The following PDE1C variants were observed in gnomAD, a reference collection of about 807,000 sequenced individuals.
The protein encoded by PDE1C is dual specificity calcium/calmodulin-dependent 3',5'-cyclic nucleotide phosphodiesterase 1C.
PDE1C carries 62 observed loss-of-function variants against 93.1 expected under a neutral mutation model. The ratio of observed to expected loss-of-function variants is 0.67; its 90% CI spans 0.54 to 0.82. The LOEUF is 0.82. PDE1C is among the 40% of genes least tolerant of loss of function. The pLI, the probability that PDE1C is intolerant of heterozygous loss-of-function variation, is 0.00. For synonymous variants in PDE1C, 325 were observed against 310.1 expected (o/e 1.05, Z -0.50); for missense variants, 742 against 884.6 (o/e 0.84, Z 2.04).
intron 2 of PDE1C, among the ~76,000 whole-genome samples, chr7:31,901,090 T>C (rs1219467966): frequency 2.0e-5 from 3 of 149,214 alleles, no homozygotes; most frequent in Non-Finnish European, 4.5e-5. Context: ...AGGATTCTAT[T>C]AAGGACTGGA....
chr7:31,778,573 C>T (rs1783175638), intron 16 of PDE1C, among the ~76,000 whole-genome samples: 1 of 152,138 alleles, frequency 6.6e-6, no homozygotes, highest in African/African-American at 2.4e-5. Flanking sequence ...TGACAAATAT[C>T]CTCTAGAGGC....
intron 2 of PDE1C, among the ~76,000 whole-genome samples, chr7:32,039,517 A>T (rs73098623): frequency 0.058 from 8,872 of 152,242 alleles, 308 homozygotes; most frequent in Non-Finnish European, 0.073. Context: ...TTATGTACAT[A>T]CCAGAGTGCA....
the PDE1C span, chr7:31,695,520 GA>G: frequency 1.2e-6 from 2 of 1,613,280 alleles, no homozygotes; most frequent in Non-Finnish European, 1.7e-6. Context: ...AAGAAGCCTA[GA>G]AAGGGAAAAA....
intron 2 of PDE1C, among the ~76,000 whole-genome samples, chr7:31,959,210 G>GT (rs1808573038): frequency 1.3e-5 from 2 of 151,836 alleles, no homozygotes; most frequent in South Asian, 4.1e-4. Flanking sequence ...TTGTTTGTTT[G>GT]TTTGTTTGTT....
At chr7:31,872,382 C>A (rs1234525911) in intron 6 of PDE1C, among the ~76,000 whole-genome samples, 1 of 152,066 alleles carries the variant, frequency 6.6e-6, no homozygotes, top group Non-Finnish European at 1.5e-5. Flanking sequence ...GAAGAGAGGA[C>A]TTGAAATGTT....
chr7:32,052,325 A>T (rs749493739), intron 1 of PDE1C: 1 of 484,518 alleles, frequency 2.1e-6, no homozygotes, highest in Non-Finnish European at 4.2e-6. Flanking sequence ...TTAATCTATC[A>T]CATGAAGCTA....
chr7:31,709,400 G>A, the PDE1C span, among the ~76,000 whole-genome samples: 5,763 of 152,258 alleles, frequency 0.038, 384 homozygotes, highest in African/African-American at 0.13. Context: ...ACGGCAAAGA[G>A]CTTCGTAAGC....
At chr7:31,720,258 C>T in the PDE1C span, among the ~76,000 whole-genome samples, 8 of 151,094 alleles carry the variant, frequency 5.3e-5, no homozygotes, top group South Asian at 1.7e-3. Context: ...GGGGAGGTAG[C>T]CCCAAGTCTG....
intron 7 of PDE1C, 153 bp from the exon 8 acceptor site, chr7:31,850,894 C>T: frequency 3.2e-6 from 2 of 627,000 alleles, no homozygotes; most frequent in Middle Eastern, 4.3e-4. Flanking sequence ...AAGTTATTTT[C>T]CTGTGAAGAG....
intron 3 of PDE1C, among the ~76,000 whole-genome samples, chr7:32,108,230 C>CACAA: frequency 1.3e-5 from 1 of 77,062 alleles, no homozygotes; most frequent in East Asian, 3.4e-4. Flanking sequence ...AAAAGCAAGA[C>CACAA]AAAAAAAAAA....
intron 1 of PDE1C, among the ~76,000 whole-genome samples, chr7:32,248,545 A>C (rs932543240): frequency 1.3e-5 from 2 of 152,230 alleles, no homozygotes; most frequent in Non-Finnish European, 2.9e-5. Context: ...GAATTACACA[A>C]ATACAAAGCT....
intron 17 of PDE1C, among the ~76,000 whole-genome samples, chr7:31,759,174 T>C (rs978656489): frequency 6.6e-6 from 1 of 152,194 alleles, no homozygotes; most frequent in Non-Finnish European, 1.5e-5. Context: ...TATGCATTCA[T>C]TGCCTTTCCC....
At chr7:31,756,516 A>G (rs1228011920) in intron 17 of PDE1C, among the ~76,000 whole-genome samples, 1 of 152,184 alleles carries the variant, frequency 6.6e-6, no homozygotes, top group African/African-American at 2.4e-5. Context: ...GTTATCCCGG[A>G]TGGGACCCTG....
At chr7:31,662,482 A>C in the PDE1C span, among the ~76,000 whole-genome samples, 2 of 152,022 alleles carry the variant, frequency 1.3e-5, no homozygotes, top group African/African-American at 2.4e-5. Flanking sequence ...ACTTTCAATA[A>C]GATTTTGGAA....
chr7:31,980,116 T>C (rs1445759258), intron 2 of PDE1C, among the ~76,000 whole-genome samples: 5 of 152,206 alleles, frequency 3.3e-5, no homozygotes, highest in African/African-American at 1.2e-4. Context: ...TGACTGGTCT[T>C]CCAGCCAAAC....
At chr7:32,298,259 A>T (rs1182037560) in intron 1 of PDE1C, among the ~76,000 whole-genome samples, 1 of 151,510 alleles carries the variant, frequency 6.6e-6, no homozygotes, top group Non-Finnish European at 1.5e-5. Context: ...TATCATGTCC[A>T]CATCTTCCTG....
At chr7:31,950,639 A>C (rs1807240291) in intron 2 of PDE1C, among the ~76,000 whole-genome samples, 1 of 152,196 alleles carries the variant, frequency 6.6e-6, no homozygotes, top group African/African-American at 2.4e-5. Context: ...GGAGAGTTAC[A>C]GCAATAAACT....
intron 2 of PDE1C, among the ~76,000 whole-genome samples, chr7:32,173,087 T>C (rs181580321): frequency 6.6e-6 from 1 of 152,188 alleles, no homozygotes. Context: ...CTATTTACAA[T>C]AGCAAAGACA....
chr7:32,035,815 G>A (rs1178276368), intron 2 of PDE1C, among the ~76,000 whole-genome samples: 1 of 152,204 alleles, frequency 6.6e-6, no homozygotes, highest in Non-Finnish European at 1.5e-5. Flanking sequence ...GCAGAGGGCA[G>A]CTCTTGCTTC....
Sources: allele counts gnomAD v4.1 joint callset (sites outside exome capture counted in the v4.1 genomes callset), GRCh38; gene constraint gnomAD v4.1.1; transcripts MANE v1.5; gene names NCBI Gene and HGNC (gene_info 2026-07-23, HGNC 2026-07-21).